ARL15: variants seen among roughly 807,000 people sequenced by gnomAD.
The protein encoded by ARL15 is ARF like GTPase 15.
ARL15 carries 19 observed loss-of-function variants against 25.2 expected under a neutral mutation model. The observed-to-expected ratio is 0.75, with a 90% CI of 0.53 to 1.10. The LOEUF is 1.10. Ranked by LOEUF, ARL15 falls within the 50% of genes least tolerant of loss-of-function variation. The probability of loss-of-function intolerance (pLI) is 0.00; values close to 1 mark genes in which losing one functional copy is unlikely to be tolerated. For missense variants in ARL15, 220 were observed against 246.0 expected (o/e 0.89, Z 0.71); for synonymous variants, 94 against 86.8 (o/e 1.08, Z -0.46).
intron 4 of ARL15, among the ~76,000 whole-genome samples, chr5:53,923,738 G>A (rs922392638): frequency 1.5e-4 from 23 of 152,156 alleles, no homozygotes; most frequent in South Asian, 1.2e-3. Context: ...GGTGGCGGGC[G>A]CCCGTAGTCC....
intron 1 of ARL15, among the ~76,000 whole-genome samples, chr5:54,278,516 C>T (rs577969066): frequency 6.6e-4 from 100 of 152,326 alleles, no homozygotes; most frequent in Non-Finnish European, 1.1e-3. Flanking sequence ...TACATCCCTA[C>T]ATTACATTAG....
intron 1 of ARL15, among the ~76,000 whole-genome samples, chr5:54,194,407 C>T (rs1755495746): frequency 6.6e-6 from 1 of 152,016 alleles, no homozygotes; most frequent in East Asian, 1.9e-4. Context: ...ACCCCAATAA[C>T]CTCCATACGG....
chr5:54,202,475 T>A (rs1241195028), intron 1 of ARL15, among the ~76,000 whole-genome samples: 1 of 151,952 alleles, frequency 6.6e-6, no homozygotes, highest in African/African-American at 2.4e-5. Flanking sequence ...AAGGGGCCAA[T>A]AGCCAAGGAA....
chr5:53,932,510 A>G (rs996973254), intron 4 of ARL15, among the ~76,000 whole-genome samples: 1 of 152,208 alleles, frequency 6.6e-6, no homozygotes, highest in African/African-American at 2.4e-5. Context: ...GCAAGGAAGA[A>G]AAAAACCTTC....
chr5:54,154,949 C>T lies in ARL15; in HGVS notation c.194-310G>A, dbSNP rs549617747. On this transcript the variant is annotated intron_variant, in intron 2 of 4. Coordinates refer to ENST00000504924, the MANE Select transcript of ARL15 (RefSeq NM_019087.3). ...CATCCTGGGCAACATGGTGAAACCC[C>T]GTTTCTACTAAAAATACAAAAATTA... 2.1e-3 allele frequency among the ~76,000 whole-genome samples: 320 copies of T among 152,186 alleles called. 2 individuals carry two copies. Among genetic ancestry groups the T allele is most frequent in the Non-Finnish European group, 3.6e-3 (246 of 68,002 alleles).
chr5:54,009,786 T>C (rs762556894), intron 4 of ARL15, among the ~76,000 whole-genome samples: 3 of 152,188 alleles, frequency 2.0e-5, no homozygotes, highest in Non-Finnish European at 2.9e-5. Flanking sequence ...CAATCCTCAG[T>C]AATCTGTGGA....
chr5:54,145,312 G>T (rs1051266636), intron 3 of ARL15, among the ~76,000 whole-genome samples: 3 of 152,102 alleles, frequency 2.0e-5, no homozygotes, highest in Non-Finnish European at 4.4e-5. Context: ...AAATAATCAA[G>T]CATCTTCAGT....
intron 1 of ARL15, among the ~76,000 whole-genome samples, chr5:54,182,394 A>G (rs1428962669): frequency 1.4e-5 from 2 of 145,600 alleles, no homozygotes; most frequent in Non-Finnish European, 3.0e-5. Context: ...AGCACCATTT[A>G]TTAAATAGGG....
intron 1 of ARL15, among the ~76,000 whole-genome samples, chr5:54,269,878 C>A (rs1757735862): frequency 6.6e-6 from 1 of 152,294 alleles, no homozygotes; most frequent in Admixed American, 6.5e-5. Flanking sequence ...AACGCCTGAC[C>A]TCCTGATCCA....
At chr5:54,058,398 A>C (rs969648754) in intron 4 of ARL15, among the ~76,000 whole-genome samples, 1 of 152,180 alleles carries the variant, frequency 6.6e-6, no homozygotes, top group African/African-American at 2.4e-5. Context: ...TAAATAAACA[A>C]GTATTTGTTG....
chr5:54,277,426 T>C (rs1045707901), intron 1 of ARL15, among the ~76,000 whole-genome samples: 6 of 152,206 alleles, frequency 3.9e-5, no homozygotes, highest in Non-Finnish European at 8.8e-5. Context: ...TTTTGAAGGA[T>C]GAATGCTTTC....
At chr5:54,041,198 A>G (rs1346249049) in intron 4 of ARL15, among the ~76,000 whole-genome samples, 2 of 152,346 alleles carry the variant, frequency 1.3e-5, no homozygotes, top group East Asian at 3.9e-4. Flanking sequence ...TAAATTGAAA[A>G]TCTATTTATA....
chr5:54,206,957 C>G (rs1337419920), intron 1 of ARL15, among the ~76,000 whole-genome samples: 2 of 152,226 alleles, frequency 1.3e-5, no homozygotes, highest in East Asian at 3.9e-4. Flanking sequence ...AGATTTGTAA[C>G]TGGAAAGGCT....
chr5:54,256,417 A>T (rs1757366064), intron 1 of ARL15, among the ~76,000 whole-genome samples: 1 of 139,526 alleles, frequency 7.2e-6, no homozygotes, highest in African/African-American at 3.0e-5. Context: ...TCAGTTTAAA[A>T]AAAAAAAAAA....
rs369776740 is a variant in ARL15 at position 54,175,779 on chromosome 5, A to G, written c.49-3851T>C. ...GCAATCCTCCCACCTCAGCCTCCCG[A>G]GTAGCTGGGATTACAAGTGTGCACC... On this transcript the variant is annotated intron_variant, in intron 1 of 4. Transcript: ENST00000504924. Among the ~76,000 whole-genome samples, 5 of 151,262 alleles carry G rather than the reference A, an allele frequency of 3.3e-5. No homozygotes were observed. In the East Asian group the frequency reaches 7.8e-4, roughly 24 times the overall value.
At chr5:54,225,016 G>A (rs1010607051) in intron 1 of ARL15, among the ~76,000 whole-genome samples, 2 of 152,132 alleles carry the variant, frequency 1.3e-5, no homozygotes, top group Non-Finnish European at 2.9e-5. Flanking sequence ...TAGTTACATA[G>A]GTGAATTCTT....
intron 4 of ARL15, among the ~76,000 whole-genome samples, chr5:54,006,471 A>AG (rs1554033561): frequency 6.3e-4 from 94 of 148,298 alleles, no homozygotes; most frequent in African/African-American, 1.9e-3. Context: ...ATAACAATTG[A>AG]TTTTTTTTTT....
intron 4 of ARL15, among the ~76,000 whole-genome samples, chr5:53,978,313 A>C (rs907999244): frequency 2.0e-5 from 3 of 152,242 alleles, no homozygotes; most frequent in Admixed American, 1.3e-4. Context: ...TGTATGGGAC[A>C]TAACTCCTCA....
intron 4 of ARL15, among the ~76,000 whole-genome samples, chr5:53,900,924 A>AC (rs1745044347): frequency 1.3e-5 from 2 of 152,202 alleles, no homozygotes; most frequent in Admixed American, 1.3e-4. Flanking sequence ...AAATCTCAAG[A>AC]CCCACATAGG....
Sources: gnomAD v4.1 joint callset for allele counts (sites outside exome capture counted in the v4.1 genomes callset) on GRCh38, gnomAD v4.1.1 for gene constraint, MANE v1.5 for transcripts, NCBI Gene and HGNC (gene_info 2026-07-23, HGNC 2026-07-21) for gene names.